The following SCAF11 variants were observed in gnomAD, a reference collection of about 807,000 sequenced individuals.
SCAF11 encodes protein SCAF11.
A neutral mutation model predicts 140.5 loss-of-function variants in SCAF11; 47 were observed. The ratio of observed to expected loss-of-function variants is 0.33; its 90% confidence interval spans 0.26 to 0.43. The LOEUF (loss-of-function observed/expected upper bound fraction) is 0.43, where lower values mean the gene tolerates loss of function less well. Among genes scored for constraint, SCAF11 ranks in the 20% least tolerant of loss-of-function variants. SCAF11 has a pLI of 1.00. For synonymous variants in SCAF11, 557 were observed against 579.4 expected (o/e 0.96, Z 0.55); for missense variants, 1,645 against 1,705.1 (o/e 0.96, Z 0.62).
At chr12:45,937,005 G>A (rs1463031399) in intron 6 of SCAF11, among the ~76,000 whole-genome samples, 1 of 151,896 alleles carries the variant, frequency 6.6e-6, no homozygotes, top group Non-Finnish European at 1.5e-5. Context: ...TCTCTCTCTT[G>A]TCATCCTCAG....
At position 45,928,664 on chromosome 12, in the gene SCAF11, C is replaced by A; in HGVS notation, c.1037G>T (p.Cys346Phe). The A allele has an allele frequency of 6.2e-7, 1 of 1,614,118 alleles. No homozygotes were observed. The highest frequency in any genetic ancestry group is 2.2e-5 in the East Asian group (1 of 44,878). The change falls in exon 11 of 15, where the codon TGT (cysteine) becomes TTT (phenylalanine). Residue 346 changes from cysteine (C) to phenylalanine (F), a missense_variant. This residue lies in a region of SCAF11 where 1,582 missense variants were observed against 1,609.2 expected (regional missense o/e 0.98). Transcript: ENST00000369367. The stretch of plus-strand genomic sequence containing the variant: ...TGGATTACTGTTACCTGGGGCATCA[C>A]ACCCAGAATTGTCTGATATTGGGGA... ...QRSPISDNSG[C>F]DAPGNSNPSL...
At chr12:45,984,378 A>G (rs1946415919) in intron 1 of SCAF11, among the ~76,000 whole-genome samples, 1 of 152,160 alleles carries the variant, frequency 6.6e-6, no homozygotes, top group South Asian at 2.1e-4. Flanking sequence ...CAGGTTGTAC[A>G]CTATTTGACA....
chr12:45,951,040 T>C lies in SCAF11; in HGVS notation c.297+610A>G, dbSNP rs549525046. ...CTTTTCTTCTTACTCAACTCAGACA[T>C]GTTTTTTTGTTTTTTCAGGTAAGCA... On this transcript the variant is annotated intron_variant, in intron 4 of 14. Coordinates refer to ENST00000369367, the MANE Select transcript of SCAF11 (RefSeq NM_004719.3). Among the ~76,000 whole-genome samples the C allele has an allele frequency of 3.9e-5, 6 of 152,298 alleles. No individual in the cohort carries two copies. The South Asian group carries it at 1.2e-3, about 32-fold the overall frequency.
At chr12:45,952,017 CAGT>C (rs1433775040) in intron 3 of SCAF11, among the ~76,000 whole-genome samples, 3 of 152,118 alleles carry the variant, frequency 2.0e-5, no homozygotes, top group South Asian at 2.1e-4. Flanking sequence ...GGGCTGACAG[CAGT>C]AGTTCTGTGA....
At chr12:45,970,267 A>G (rs1459958000) in intron 1 of SCAF11, among the ~76,000 whole-genome samples, 1 of 152,200 alleles carries the variant, frequency 6.6e-6, no homozygotes, top group Non-Finnish European at 1.5e-5. Context: ...CCAGACCTCA[A>G]GCAATCTTCC....
At position 45,927,588 on chromosome 12, in the gene SCAF11, T is replaced by C; in HGVS notation, c.2113A>G (p.Ile705Val). 2 of 1,613,560 alleles carry C rather than the reference T, an allele frequency of 1.2e-6. No individual in the cohort carries two copies. Among genetic ancestry groups the C allele is most frequent in the South Asian group, 1.1e-5 (1 of 91,068 alleles). Reference sequence around the variant, plus strand: ...TTGTCCTCACTAAAATGCTTCTGAATCTGTTCAATGTGTGTTTTAGGCAAC... The same window carrying C: ...TTGTCCTCACTAAAATGCTTCTGAACCTGTTCAATGTGTGTTTTAGGCAAC... ...TELPKTHIEQ[I>V]QKHFSEDNNE... is the part of the protein sequence containing the mutation. Residue 705 changes from isoleucine to valine, a missense_variant, in exon 11 of 15, where the codon ATT (isoleucine) becomes GTT (valine). Physicochemically the swap from Ile to Val is conservative, Grantham distance 29. Coordinates refer to ENST00000369367, the MANE Select transcript of SCAF11 (RefSeq NM_004719.3).
chr12:45,973,644 C>T (rs905967254), intron 1 of SCAF11, among the ~76,000 whole-genome samples: 3 of 152,068 alleles, frequency 2.0e-5, no homozygotes, highest in South Asian at 2.1e-4. Context: ...TTTGAATCAC[C>T]GGTGATTTCT....
intron 1 of SCAF11, chr12:45,974,170 C>G (rs74081611): frequency 0.042 from 19,898 of 470,714 alleles, 3,001 homozygotes; most frequent in African/African-American, 0.34. Context: ...AAAAACTGTA[C>G]ATACTTGATT....
intron 11 of SCAF11, 145 bp downstream of exon 11, chr12:45,925,993 TTATA>T (rs1331189941): frequency 1.4e-6 from 1 of 716,518 alleles, no homozygotes; most frequent in African/African-American, 1.8e-5. Flanking sequence ...GTATATATAT[TTATA>T]TAATGCTAAG....
intron 1 of SCAF11, among the ~76,000 whole-genome samples, chr12:45,965,607 C>T (rs1233248535): frequency 6.6e-6 from 1 of 152,198 alleles, no homozygotes; most frequent in East Asian, 1.9e-4. Context: ...AGCCACTGCA[C>T]CTGGCCTTAA....
At chr12:45,983,720 T>A (rs1268716840) in intron 1 of SCAF11, among the ~76,000 whole-genome samples, 1 of 145,972 alleles carries the variant, frequency 6.9e-6, no homozygotes, top group Non-Finnish European at 1.5e-5. Context: ...CAAAACCAGG[T>A]CTGACTGACT....
In SCAF11 at chr12:45,928,081, A is replaced by G. The variant is rs764964964; in HGVS notation, c.1620T>C (p.Asp540=). ...SGLSQSEVKT[D]VCTVHLPNDF... Reference sequence around the variant, plus strand: ...CATTTGGAAGATGAACTGTACATACATCTGTCTTTACCTCTGATTGTGAAA... The same window carrying G: ...CATTTGGAAGATGAACTGTACATACGTCTGTCTTTACCTCTGATTGTGAAA... Residue 540 remains aspartate, a synonymous_variant, in exon 11 of 15, where the codon GAT becomes GAC. Coordinates refer to ENST00000369367, the MANE Select transcript of SCAF11 (RefSeq NM_004719.3). The G allele has an allele frequency of 1.2e-4, 186 of 1,613,866 alleles. No homozygotes were observed. In the Admixed American group the frequency reaches 3.1e-3, roughly 27 times the overall value.
chr12:45,959,258 A>T (rs1945768328), intron 3 of SCAF11, among the ~76,000 whole-genome samples: 1 of 151,522 alleles, frequency 6.6e-6, no homozygotes, highest in African/African-American at 2.4e-5. Flanking sequence ...ACAGACTGAG[A>T]CTCTGTCTCA....
rs752274981 is a variant in SCAF11 at position 45,926,436 on chromosome 12, A to T, written c.3265T>A (p.Tyr1089Asn). 6.2e-7 allele frequency: 1 copy of T among 1,614,078 alleles called. No homozygotes were observed. Among genetic ancestry groups the T allele is most frequent in the African/African-American group, 1.3e-5 (1 of 74,932 alleles). ...CACCGATTTTCATTCTGATCTTTATAGGCAAAACTACTTCTGTAAGTGCCT... is the reference window on the plus strand; with the variant it reads ...CACCGATTTTCATTCTGATCTTTATTGGCAAAACTACTTCTGTAAGTGCCT... ...GRGTYRSSFAYKDQNENRWQN... is the reference protein window; with the variant it reads ...GRGTYRSSFANKDQNENRWQN... Residue 1089 changes from tyrosine (Y) to asparagine (N), a missense_variant, in exon 11 of 15, where the codon TAT becomes AAT. Transcript: ENST00000369367.
At chr12:45,945,010 C>CT in intron 6 of SCAF11, 1 of 473,340 alleles carries the variant, frequency 2.1e-6, no homozygotes, top group Non-Finnish European at 3.7e-6. Context: ...GTGAAACACT[C>CT]TTTTCTCCCA....
upstream of SCAF11, chr12:45,990,707 C>A (rs1031675602): frequency 1.4e-6 from 1 of 703,826 alleles, no homozygotes; most frequent in Non-Finnish European, 1.9e-6. Context: ...TCTGCTTACT[C>A]GCTCGCTCTG....
intron 5 of SCAF11, among the ~76,000 whole-genome samples, chr12:45,947,652 G>A (rs1187241229): frequency 6.6e-6 from 1 of 152,170 alleles, no homozygotes; most frequent in East Asian, 1.9e-4. Context: ...ATGTGATTAA[G>A]TACAAAAATG....
chr12:45,966,011 A>G (rs1945938318), intron 1 of SCAF11, among the ~76,000 whole-genome samples: 1 of 152,210 alleles, frequency 6.6e-6, no homozygotes, highest in Non-Finnish European at 1.5e-5. Flanking sequence ...CAATCTGACA[A>G]TAAAAGTTGG....
chr12:45,974,378 T>C (rs2136647926), intron 1 of SCAF11: 1 of 357,862 alleles, frequency 2.8e-6, no homozygotes. Flanking sequence ...ACACTGACAC[T>C]CCTTTCACAA....
Sources: allele counts gnomAD v4.1 joint callset (sites outside exome capture counted in the v4.1 genomes callset), GRCh38; gene constraint gnomAD v4.1.1; regional missense constraint gnomAD v4.1.1; transcripts MANE v1.5; gene names NCBI Gene and HGNC (gene_info 2026-07-23, HGNC 2026-07-21).